IFT140: variants seen among roughly 807,000 people sequenced by gnomAD.
IFT140 encodes the protein intraflagellar transport protein 140 homolog.
Under a neutral mutation model 164.6 loss-of-function variants are expected in IFT140, and 133 were observed. That is an observed-to-expected ratio of 0.81 (90% CI 0.70 to 0.93). IFT140 has a LOEUF of 0.93. IFT140 is among the 40% of genes least tolerant of loss of function. IFT140 has a pLI of 0.00. For missense variants in IFT140, 2,045 were observed against 1,972.3 expected (o/e 1.04, Z -0.70); for synonymous variants, 860 against 817.3 (o/e 1.05, Z -0.89).
intron 20 of IFT140, 125 bp downstream of exon 20, chr16:1,526,494 G>A (rs903873441): frequency 1.9e-6 from 2 of 1,060,714 alleles, no homozygotes; most frequent in Admixed American, 3.0e-5. Context: ...CCTGGGTCAT[G>A]CCTCTCGGCT....
chr16:1,576,962 T>A (rs930993180), intron 13 of IFT140: 5 of 152,214 alleles, frequency 3.3e-5, no homozygotes, highest in African/African-American at 1.2e-4. Flanking sequence ...TAAAATGTTG[T>A]GCAGTGCTAA....
At chr16:1,534,547 C>CCGTCAAA (rs1567340810) in intron 19 of IFT140, 1 of 1,603,258 alleles carries the variant, frequency 6.2e-7, no homozygotes, top group South Asian at 1.1e-5. Flanking sequence ...TCCCGAGGCA[C>CCGTCAAA]CGTCAAACGT....
chr16:1,527,704 TG>T (rs2040752079), intron 19 of IFT140, among the ~76,000 whole-genome samples: 1 of 152,180 alleles, frequency 6.6e-6, no homozygotes, highest in Non-Finnish European at 1.5e-5. Context: ...CCCAAATAGC[TG>T]GGACCACAGG....
intron 19 of IFT140, among the ~76,000 whole-genome samples, chr16:1,538,407 C>T (rs1253799377): frequency 6.6e-6 from 1 of 152,208 alleles, no homozygotes; most frequent in Admixed American, 6.5e-5. Context: ...CTTGGTCACT[C>T]ACCCTCACCA....
intron 19 of IFT140, chr16:1,542,195 A>G (rs1369827003): frequency 2.6e-6 from 3 of 1,149,162 alleles, no homozygotes; most frequent in South Asian, 3.4e-5. Context: ...ACCTCTCAAC[A>G]TGGCCACAGG....
Position 1,520,710 on chromosome 16 carries a change from A to G in IFT140, c.3552T>C (p.Pro1184=), listed in dbSNP as rs772296943. 6.8e-6 allele frequency: 11 copies of G among 1,612,142 alleles called. No individual in the cohort carries two copies. Among genetic ancestry groups the G allele is most frequent in the South Asian group, 3.3e-5 (3 of 90,740 alleles). Residue 1184 remains proline, a synonymous_variant, in exon 27 of 31, where the codon CCT becomes CCC. Coordinates refer to ENST00000426508, the MANE Select transcript of IFT140 (RefSeq NM_014714.4). ...CCAGCAGCTCCCGCCGCGACTCCTCAGGCAGGTCCGAGGAGTCCTTGGCCA... is the reference window on the plus strand; with the variant it reads ...CCAGCAGCTCCCGCCGCGACTCCTCGGGCAGGTCCGAGGAGTCCTTGGCCA... ...MTVAKDSSDL[P]EESRRELLEQ...
In IFT140 at chr16:1,553,390, G is replaced by A; in HGVS notation, c.2399+4545C>T. ...GGCCACACAGGGCAGGGCATGATTT[G>A]GTTTCCTGGGGAATGCAGGGGAGGC... On this transcript the variant is annotated intron_variant, in intron 19 of 30. Transcript: ENST00000426508. The surrounding 1 kb of genome is among the most constrained non-coding windows in gnomAD (Gnocchi z 4.4). 3.0e-6 allele frequency: 3 copies of A among 985,356 alleles called. No homozygotes were observed. The highest frequency in any genetic ancestry group is 3.6e-6 in the Non-Finnish European group (3 of 829,918). 61.0% of individuals were successfully genotyped at this position (985,356 alleles called of 1,614,324 possible).
At chr16:1,588,722 G>A (rs1216640597) in intron 7 of IFT140, among the ~76,000 whole-genome samples, 1 of 152,076 alleles carries the variant, frequency 6.6e-6, no homozygotes, top group Non-Finnish European at 1.5e-5. Context: ...CGGCCAGTGA[G>A]GAACTGAGCA....
Position 1,510,947 on chromosome 16 carries a change from G to C in IFT140, c.4386C>G (p.Pro1462=), listed in dbSNP as rs545865311. The part of the protein sequence containing the change: ...EEVVEEADDD[P] ...CTGGTCCTGGGGCCCAGGCCCCTCA[G>C]GGGTCGTCATCTGCCTCTTCCACCA... Residue 1462 remains proline, a synonymous_variant, in exon 31 of 31, where the codon CCC becomes CCG. Coordinates refer to ENST00000426508, the MANE Select transcript of IFT140 (RefSeq NM_014714.4). 1 of 1,610,860 alleles carries C rather than the reference G, an allele frequency of 6.2e-7. No individual in the cohort carries two copies. The highest frequency in any genetic ancestry group is 2.2e-5 in the East Asian group (1 of 44,818).
chr16:1,599,156 A>T (rs1342012202), intron 4 of IFT140, among the ~76,000 whole-genome samples: 1 of 74,690 alleles, frequency 1.3e-5, no homozygotes, highest in Admixed American at 1.2e-4. Context: ...CCGTCTGAGA[A>T]GTGAGGAGAC....
intron 19 of IFT140, among the ~76,000 whole-genome samples, chr16:1,542,775 A>G (rs950202314): frequency 2.6e-5 from 4 of 152,236 alleles, no homozygotes; most frequent in African/African-American, 9.6e-5. Context: ...GGCTTCCCCA[A>G]GCCGCCATGT....
At chr16:1,579,948 A>T (rs1277360677) in intron 13 of IFT140, among the ~76,000 whole-genome samples, 1 of 149,486 alleles carries the variant, frequency 6.7e-6, no homozygotes, top group East Asian at 2.0e-4. Flanking sequence ...TGGGCGACAA[A>T]GCAAGACTCC....
chr16:1,516,188 T>C (rs1261451737), intron 30 of IFT140, among the ~76,000 whole-genome samples: 1 of 76,782 alleles, frequency 1.3e-5, no homozygotes, highest in Non-Finnish European at 3.3e-5. Flanking sequence ...ACACCAGAAA[T>C]GGATGGTAAA....
In IFT140 at chr16:1,520,150, A is replaced by T. The variant is rs767822905; in HGVS notation, c.3854T>A (p.Phe1285Tyr). ...KGRALDLLAGFYDACAQVEID... is the reference protein window; with the variant it reads ...KGRALDLLAGYYDACAQVEID... ...CTGCACCTGGGCACAAGCGTCATAA[A>T]AGCCAGCCAGGAGGTCCAGGGCCCG... Residue 1285 changes from phenylalanine (F) to tyrosine (Y), a missense_variant, in exon 28 of 31, where the codon TTT becomes TAT. Phe to Tyr is a conservative substitution (Grantham distance 22). Coordinates refer to ENST00000426508, the MANE Select transcript of IFT140 (RefSeq NM_014714.4). 1.2e-6 allele frequency: 2 copies of T among 1,614,100 alleles called. No homozygotes were observed. Among genetic ancestry groups the T allele is most frequent in the South Asian group, 2.2e-5 (2 of 91,088 alleles).
chr16:1,524,609 C>T lies in IFT140; in HGVS notation c.3084G>A (p.Gln1028=). 1 of 1,605,596 alleles carries T rather than the reference C, an allele frequency of 6.2e-7. No individual in the cohort carries two copies. The highest frequency in any genetic ancestry group is 8.5e-7 in the Non-Finnish European group (1 of 1,174,302). ...GTGCCCGGGTGTAGAAGTGCACCGC[C>T]TGCCCGACCTCCTCCTGGCTCTCGT... ...RQYESQEEVG[Q]AVHFYTRAQA... The change falls in exon 24 of 31, where the codon CAG becomes CAA. Residue 1028 remains glutamine, a synonymous_variant. Transcript: ENST00000426508.
intron 7 of IFT140, 126 bp downstream of exon 7, chr16:1,589,479 C>T (rs1377843977): frequency 8.1e-6 from 7 of 866,326 alleles, no homozygotes; most frequent in East Asian, 2.6e-5. Context: ...CTACGTTAGC[C>T]GCCCTAACTC....
At chr16:1,520,836 C>T in intron 26 of IFT140, 28 bp from the exon 27 acceptor site, 1 of 1,587,740 alleles carries the variant, frequency 6.3e-7, no homozygotes, top group Non-Finnish European at 8.5e-7. Context: ...TGGGACGGGG[C>T]TGCCGAGGGG....
chr16:1,518,614 T>C (rs1207717932), intron 29 of IFT140, among the ~76,000 whole-genome samples: 1 of 151,944 alleles, frequency 6.6e-6, no homozygotes, highest in Non-Finnish European at 1.5e-5. Flanking sequence ...TAGTTCCTGC[T>C]CTATGGAACA....
intron 5 of IFT140, 28 bp downstream of exon 5, chr16:1,592,439 C>T: frequency 6.2e-7 from 1 of 1,612,924 alleles, no homozygotes; most frequent in African/African-American, 1.3e-5. Context: ...AACACACACA[C>T]AGGTCACAGG....
Sources: allele counts gnomAD v4.1 joint callset (sites outside exome capture counted in the v4.1 genomes callset), GRCh38; gene constraint gnomAD v4.1.1; non-coding constraint Gnocchi (gnomAD v3.1); transcripts MANE v1.5; gene names NCBI Gene and HGNC (gene_info 2026-07-23, HGNC 2026-07-21).